The following TMEM135 variants were observed in gnomAD, a reference collection of about 807,000 sequenced individuals.
TMEM135 encodes peroxisomal membrane protein 52.
A neutral mutation model predicts 60.3 loss-of-function variants in TMEM135; 30 were observed. The ratio of observed to expected loss-of-function variants is 0.50; its 90% confidence interval spans 0.37 to 0.68. The LOEUF is 0.68. TMEM135 is among the 30% of genes least tolerant of loss of function. The pLI, the probability that TMEM135 is intolerant of heterozygous loss-of-function variation, is 0.00. For synonymous variants in TMEM135, 190 were observed against 186.7 expected, an observed-to-expected ratio of 1.02 and a Z score of -0.14; for missense variants, 468 against 548.8, an observed-to-expected ratio of 0.85 and a Z score of 1.47.
chr11:87,096,407 C>T (rs1857331388), intron 4 of TMEM135: 1 of 146,770 alleles, frequency 6.8e-6, no homozygotes, highest in East Asian at 2.2e-4. Context: ...AACCCAGTCA[C>T]GGAGCCCTTG....
intron 4 of TMEM135, among the ~76,000 whole-genome samples, chr11:87,097,757 G>A (rs1043428110): frequency 1.3e-5 from 2 of 152,154 alleles, no homozygotes. Flanking sequence ...TGTTCGCTCT[G>A]TTTTGAGCTC....
intron 5 of TMEM135, among the ~76,000 whole-genome samples, chr11:87,202,613 GTA>G (rs908241977): frequency 6.6e-6 from 1 of 151,682 alleles, no homozygotes; most frequent in African/African-American, 2.4e-5. Flanking sequence ...TCATATGTGT[GTA>G]TGTAAAATAT....
chr11:87,163,388 T>G, intron 5 of TMEM135, among the ~76,000 whole-genome samples: 1 of 143,810 alleles, frequency 7.0e-6, no homozygotes, highest in Non-Finnish European at 1.5e-5. Context: ...TATGGCTGCA[T>G]AGTATTCCAT....
intron 12 of TMEM135, among the ~76,000 whole-genome samples, chr11:87,317,569 C>G (rs1453056839): frequency 6.6e-6 from 1 of 151,986 alleles, no homozygotes. Flanking sequence ...TTATATAGAT[C>G]TTGAGGATTC....
intron 4 of TMEM135, among the ~76,000 whole-genome samples, chr11:87,134,164 T>G (rs531108063): frequency 2.6e-5 from 4 of 152,166 alleles, no homozygotes; most frequent in Non-Finnish European, 5.9e-5. Flanking sequence ...TTGGCAAGGT[T>G]GGTTTTTTCT....
Position 87,324,760 on chromosome 11 carries a change from T to C in TMEM135, c.*3427T>C, listed in dbSNP as rs1365461618. The stretch of plus-strand genomic sequence containing the variant: ...TTTTATTTGTATGAGTATTAAGTAG[T>C]TTGACACAGCAACAAAGTTGTCCTT... On this transcript the variant is annotated 3_prime_UTR_variant, in exon 15 of 15. Transcript: ENST00000305494. The C allele has an allele frequency of 6.6e-6, 3 of 453,962 alleles. No individual in the cohort carries two copies. The Admixed American group carries it at 7.1e-5, about 11-fold the overall frequency. 28.1% of individuals were successfully genotyped at this position (453,962 alleles called of 1,614,324 possible).
intron 4 of TMEM135, among the ~76,000 whole-genome samples, chr11:87,111,610 C>T (rs185330373): frequency 1.4e-3 from 199 of 145,126 alleles, no homozygotes; most frequent in South Asian, 2.6e-3. Context: ...GAGATCGCAC[C>T]ACTGCACTCC....
chr11:87,088,049 T>A (rs1479941408), intron 3 of TMEM135, among the ~76,000 whole-genome samples: 1 of 152,126 alleles, frequency 6.6e-6, no homozygotes, highest in Non-Finnish European at 1.5e-5. Flanking sequence ...AGATGAGACT[T>A]TTTAAAGCTG....
At chr11:87,159,617 A>ACACACACACACACACACACACCCCCCCCC (rs140303858) in intron 5 of TMEM135, among the ~76,000 whole-genome samples, 10 of 149,340 alleles carry the variant, frequency 6.7e-5, no homozygotes, top group African/African-American at 2.5e-4. Flanking sequence ...ACACACACAC[A>ACACACACACACACACACACACCCCCCCCC]CCATAGATTT....
At chr11:87,122,118 C>T (rs1937608187) in intron 4 of TMEM135, among the ~76,000 whole-genome samples, 1 of 152,018 alleles carries the variant, frequency 6.6e-6, no homozygotes. Flanking sequence ...TTTTCAATTC[C>T]ATTTTGTACT....
intron 5 of TMEM135, among the ~76,000 whole-genome samples, chr11:87,190,627 C>T (rs115969090): frequency 1.3e-5 from 2 of 152,074 alleles, no homozygotes; most frequent in African/African-American, 4.8e-5. Flanking sequence ...AGGAAGCTAG[C>T]ATTAATATGA....
At chr11:87,125,235 T>C (rs2135222592) in intron 4 of TMEM135, among the ~76,000 whole-genome samples, 1 of 152,352 alleles carries the variant, frequency 6.6e-6, no homozygotes, top group South Asian at 2.1e-4. Context: ...GCCAATGCGC[T>C]GTCTTTGTAG....
intron 6 of TMEM135, among the ~76,000 whole-genome samples, chr11:87,291,489 C>T (rs372888246): frequency 2.7e-5 from 4 of 149,098 alleles, no homozygotes; most frequent in African/African-American, 1.0e-4. Context: ...CCTTGCCCTC[C>T]TGTAAGTCTA....
At chr11:87,124,436 C>A (rs1036115149) in intron 4 of TMEM135, among the ~76,000 whole-genome samples, 18 of 152,194 alleles carry the variant, frequency 1.2e-4, no homozygotes, top group African/African-American at 3.4e-4. Flanking sequence ...TAATCTTGTG[C>A]TGGATCAAAC....
intron 5 of TMEM135, among the ~76,000 whole-genome samples, chr11:87,203,264 A>G (rs368440540): frequency 7.9e-5 from 12 of 152,214 alleles, no homozygotes; most frequent in East Asian, 3.9e-4. Flanking sequence ...TGTACATTCT[A>G]TGGGTTTGGA....
At chr11:87,302,229 GTC>G (rs1188889265) in intron 7 of TMEM135, 65 bp from the exon 8 acceptor site, 99 of 1,511,552 alleles carry the variant, frequency 6.5e-5, no homozygotes, top group Non-Finnish European at 3.4e-5. Flanking sequence ...TATAAACAAA[GTC>G]TTTTTTTTTT....
At chr11:87,267,264 A>C (rs892211980) in intron 6 of TMEM135, among the ~76,000 whole-genome samples, 12 of 152,178 alleles carry the variant, frequency 7.9e-5, no homozygotes, top group African/African-American at 2.7e-4. Flanking sequence ...AATGGATGAA[A>C]AAAATTATCA....
Position 87,321,778 on chromosome 11 carries a change from T to A in TMEM135, c.*445T>A, listed in dbSNP as rs1243350284. 2 of 454,580 alleles carry A rather than the reference T, an allele frequency of 4.4e-6. No individual in the cohort carries two copies. Among genetic ancestry groups the A allele is most frequent in the African/African-American group, 4.0e-5 (2 of 50,020 alleles). The allele number at this position is 454,580 out of a possible 1,614,324, so 28.2% of individuals were successfully genotyped here. A position where few individuals can be genotyped will look rare whatever the true frequency, so the allele number is the denominator to read the frequency against. ...CATGGATTTGGTCTATATATTTTTTTAAAGTTTTGAATTGGTATCTGTAGT... is the reference window on the plus strand; with the variant it reads ...CATGGATTTGGTCTATATATTTTTTAAAAGTTTTGAATTGGTATCTGTAGT... On this transcript the variant is annotated 3_prime_UTR_variant, in exon 15 of 15. Transcript: ENST00000305494.
intron 4 of TMEM135, among the ~76,000 whole-genome samples, chr11:87,122,380 G>A (rs1314989979): frequency 8.6e-6 from 1 of 116,566 alleles, no homozygotes; most frequent in African/African-American, 3.2e-5. Context: ...CTTTAAATTT[G>A]TCATCATAAA....
Sources: gnomAD v4.1 joint callset for allele counts (sites outside exome capture counted in the v4.1 genomes callset) on GRCh38, gnomAD v4.1.1 for gene constraint, MANE v1.5 for transcripts, NCBI Gene and HGNC (gene_info 2026-07-23, HGNC 2026-07-21) for gene names.